VGLL4: variants seen among roughly 807,000 people sequenced by gnomAD.
VGLL4 encodes the protein transcription cofactor vestigial-like protein 4.
Under a neutral mutation model 21.0 loss-of-function variants are expected in VGLL4, and 7 were observed. That is an observed-to-expected ratio of 0.33 (90% CI 0.19 to 0.63). The LOEUF (loss-of-function observed/expected upper bound fraction) is 0.63, where lower values mean the gene tolerates loss of function less well. Ranked by LOEUF, VGLL4 falls within the 20% of genes least tolerant of loss-of-function variation. The pLI, the probability that VGLL4 is intolerant of heterozygous loss-of-function variation, is 0.78. For missense variants in VGLL4, 394 were observed against 425.7 expected, an observed-to-expected ratio of 0.93 and a Z score of 0.66; for synonymous variants, 222 against 173.2, an observed-to-expected ratio of 1.28 and a Z score of -2.21.
chr3:11,696,202 A>G (rs2076604736), intron 2 of VGLL4, among the ~76,000 whole-genome samples: 1 of 152,212 alleles, frequency 6.6e-6, no homozygotes. Flanking sequence ...CAGGAATGAC[A>G]TCAGTATGTT....
At chr3:11,692,082 T>A (rs2076534976) in intron 2 of VGLL4, among the ~76,000 whole-genome samples, 1 of 152,126 alleles carries the variant, frequency 6.6e-6, no homozygotes, top group Admixed American at 6.5e-5. Context: ...AACACTTTTA[T>A]GTGTATTAAA....
chr3:11,656,520 C>T (rs1232970649), intron 2 of VGLL4, among the ~76,000 whole-genome samples: 1 of 152,162 alleles, frequency 6.6e-6, no homozygotes, highest in Non-Finnish European at 1.5e-5. Flanking sequence ...AGAGCTCAGC[C>T]TGCTGTGGCT....
intron 2 of VGLL4, among the ~76,000 whole-genome samples, chr3:11,652,376 T>C (rs2075885639): frequency 6.6e-6 from 1 of 152,190 alleles, no homozygotes; most frequent in Non-Finnish European, 1.5e-5. Flanking sequence ...CACATAAATT[T>C]AACCTTAATA....
intron 2 of VGLL4, among the ~76,000 whole-genome samples, chr3:11,658,175 C>T (rs1575502125): frequency 6.6e-6 from 1 of 152,140 alleles, no homozygotes; most frequent in Non-Finnish European, 1.5e-5. Context: ...GCTCAAGCGA[C>T]CCACCTGCCT....
chr3:11,659,327 T>TTTTTTTTTTTTTTTTTTTTTTTTTTC, intron 2 of VGLL4, among the ~76,000 whole-genome samples: 1 of 10,848 alleles, frequency 9.2e-5, no homozygotes, highest in African/African-American at 4.1e-4. Flanking sequence ...TTTCTTTTTC[T>TTTTTTTTTTTTTTTTTTTTTTTTTTC]TTTTTTTTTT....
Position 11,681,867 on chromosome 3 carries a change from G to A in VGLL4, c.64+21104C>T, listed in dbSNP as rs538481616. Among the ~76,000 whole-genome samples, 4 of 152,282 alleles carry A rather than the reference G, an allele frequency of 2.6e-5. No individual in the cohort carries two copies. In the East Asian group the frequency reaches 5.8e-4, roughly 22 times the overall value. On this transcript the variant is annotated intron_variant, in intron 2 of 5. Coordinates refer to the VGLL4 transcript ENST00000273038. ...TGCTGCACAGGTCCTGAAACAGGGC[G>A]ACGGCCATAACAGTGCGAGGGAAAC...
chr3:11,568,648 A>C lies in VGLL4; in HGVS notation c.273-3629T>G, dbSNP rs1269343146. 1.3e-6 allele frequency: 2 copies of C among 1,566,674 alleles called. No individual in the cohort carries two copies. The highest frequency in any genetic ancestry group is 2.3e-5 in the South Asian group (2 of 85,282). ...TGGTTCCCGGAGCTTCAAGACAGAC[A>C]TTGTTTTCCAGGCCCCGCTCGCCCG... On this transcript the variant is annotated intron_variant, in intron 2 of 4. Transcript: ENST00000430365. The surrounding 1 kb of genome is among the most constrained non-coding windows in gnomAD (Gnocchi z 5.9).
At chr3:11,602,111 T>C in intron 1 of VGLL4, 89 bp from the exon 2 acceptor site, 1 of 1,270,516 alleles carries the variant, frequency 7.9e-7, no homozygotes, top group African/African-American at 1.6e-5. Context: ...GCCAGCCCCT[T>C]ACAAAACTAC....
chr3:11,601,547 C>G (rs1361113995), intron 2 of VGLL4, among the ~76,000 whole-genome samples: 1 of 152,174 alleles, frequency 6.6e-6, no homozygotes, highest in African/African-American at 2.4e-5. Context: ...GATGACTACT[C>G]GACTGCTCGC....
At chr3:11,713,568 TTATATA>T (rs10690353) in intron 1 of VGLL4, among the ~76,000 whole-genome samples, 4,249 of 140,274 alleles carry the variant, frequency 0.03, 233 homozygotes, top group African/African-American at 0.11. Context: ...TATATATTAT[TTATATA>T]TATATATATA....
intron 2 of VGLL4, among the ~76,000 whole-genome samples, chr3:11,573,379 GAAAGAAAGAAA>G: frequency 6.9e-6 from 1 of 145,018 alleles, no homozygotes; most frequent in Non-Finnish European, 1.5e-5. Context: ...AAGAAAGAAA[GAAAGAAAGAAA>G]GAAAGAAAAT....
chr3:11,618,741 A>G (rs1481888364), intron 1 of VGLL4, among the ~76,000 whole-genome samples: 1 of 152,224 alleles, frequency 6.6e-6, no homozygotes, highest in Non-Finnish European at 1.5e-5. Context: ...TTAGCATGTA[A>G]AATTTAATGT....
chr3:11,625,678 C>T (rs2075338403), intron 1 of VGLL4, among the ~76,000 whole-genome samples: 1 of 152,028 alleles, frequency 6.6e-6, no homozygotes, highest in Non-Finnish European at 1.5e-5. Context: ...CTGCTCAACC[C>T]AACCTTTATC....
At chr3:11,584,146 AC>A (rs1353563708) in intron 2 of VGLL4, among the ~76,000 whole-genome samples, 3 of 152,254 alleles carry the variant, frequency 2.0e-5, no homozygotes, top group Non-Finnish European at 4.4e-5. Context: ...AAAGCAAATA[AC>A]ATTACTTATT....
chr3:11,641,308 C>T (rs1404829439), intron 1 of VGLL4, among the ~76,000 whole-genome samples: 3 of 152,070 alleles, frequency 2.0e-5, no homozygotes, highest in African/African-American at 7.2e-5. Flanking sequence ...CTTGACTGTG[C>T]CCTAAATGAA....
chr3:11,716,317 A>G (rs1468178630), intron 1 of VGLL4, among the ~76,000 whole-genome samples: 2 of 151,812 alleles, frequency 1.3e-5, no homozygotes, highest in African/African-American at 4.8e-5. Flanking sequence ...AAAAAAAAAA[A>G]AAAGCACAAA....
At chr3:11,655,324 C>T (rs2075941836) in intron 2 of VGLL4, among the ~76,000 whole-genome samples, 1 of 152,190 alleles carries the variant, frequency 6.6e-6, no homozygotes, top group Admixed American at 6.5e-5. Context: ...AGGAGGGCAC[C>T]TGGCTGCTTT....
At chr3:11,637,106 A>C (rs757213088) in intron 1 of VGLL4, among the ~76,000 whole-genome samples, 3 of 152,064 alleles carry the variant, frequency 2.0e-5, no homozygotes, top group Non-Finnish European at 2.9e-5. Context: ...ACATGGTAGT[A>C]AAGGTATAAA....
chr3:11,682,765 G>C (rs764044202), intron 2 of VGLL4, among the ~76,000 whole-genome samples: 1 of 151,982 alleles, frequency 6.6e-6, no homozygotes. Context: ...CATCCAAGCA[G>C]AGGATAGAAG....
Sources: gnomAD v4.1 joint callset for allele counts (sites outside exome capture counted in the v4.1 genomes callset) on GRCh38, gnomAD v4.1.1 for gene constraint, Gnocchi (gnomAD v3.1) non-coding constraint, MANE v1.5 for transcripts, NCBI Gene and HGNC (gene_info 2026-07-23, HGNC 2026-07-21) for gene names.